RFX4: variants seen among roughly 807,000 people sequenced by gnomAD.
RFX4 encodes the protein transcription factor RFX4.
Under a neutral mutation model 95.0 loss-of-function variants are expected in RFX4, and 10 were observed. The ratio of observed to expected loss-of-function variants is 0.11; its 90% CI spans 0.06 to 0.18. RFX4 has a LOEUF of 0.18. Ranked by LOEUF, RFX4 falls within the 10% of genes least tolerant of loss-of-function variation. The probability of loss-of-function intolerance (pLI) is 1.00; values close to 1 mark genes in which losing one functional copy is unlikely to be tolerated. For synonymous variants in RFX4, 321 were observed against 340.7 expected, an observed-to-expected ratio of 0.94 and a Z score of 0.64; for missense variants, 640 against 922.0, an observed-to-expected ratio of 0.69 and a Z score of 3.96.
At chr12:106,758,182 G>A (rs2043144067) in intron 17 of RFX4, among the ~76,000 whole-genome samples, 2 of 152,166 alleles carry the variant, frequency 1.3e-5, no homozygotes, top group African/African-American at 4.8e-5. Context: ...TGAGAGGTGA[G>A]GCGGGTGCCA....
chr12:106,626,317 G>A (rs1303781939), intron 2 of RFX4, among the ~76,000 whole-genome samples: 1 of 152,224 alleles, frequency 6.6e-6, no homozygotes, highest in East Asian at 1.9e-4. Context: ...TCTTGGAGGA[G>A]GTGACATTTG....
At chr12:106,615,883 T>C (rs1294942481) in intron 2 of RFX4, among the ~76,000 whole-genome samples, 1 of 152,258 alleles carries the variant, frequency 6.6e-6, no homozygotes, top group Admixed American at 6.5e-5. Flanking sequence ...GAACATTCTA[T>C]GAACATCATC....
At chr12:106,757,566 A>T (rs1275850626) in intron 17 of RFX4, among the ~76,000 whole-genome samples, 10 of 150,932 alleles carry the variant, frequency 6.6e-5, no homozygotes, top group Admixed American at 5.9e-4. Context: ...AAAAAAAAAA[A>T]GCTCAGCAGA....
chr12:106,724,221 C>T (rs1395600346), intron 13 of RFX4, among the ~76,000 whole-genome samples: 2 of 152,140 alleles, frequency 1.3e-5, no homozygotes, highest in Non-Finnish European at 2.9e-5. Context: ...GAAGCACATA[C>T]TATCATTGAA....
At chr12:106,583,583 TGTGTGTGCGTG>T (rs1565939357) in intron 1 of RFX4, 4 of 399,002 alleles carry the variant, frequency 1.0e-5, no homozygotes, top group African/African-American at 4.1e-5. Flanking sequence ...CGTGTGTGAG[TGTGTGTGCGTG>T]CGCGCGCGCG....
chr12:106,608,747 TTTC>T (rs745767225), intron 1 of RFX4, 47 bp from the exon 2 acceptor site: 56 of 1,524,000 alleles, frequency 3.7e-5, no homozygotes, highest in Non-Finnish European at 4.8e-5. Context: ...ATTCTGTGAT[TTTC>T]TTTTTTCTTT....
chr12:106,604,107 T>C (rs1042488982), intron 1 of RFX4, among the ~76,000 whole-genome samples: 6 of 146,808 alleles, frequency 4.1e-5, no homozygotes, highest in African/African-American at 1.5e-4. Context: ...TCACTACAGC[T>C]TCTCTCTCTT....
At chr12:106,598,638 G>T (rs2039653868) in intron 1 of RFX4, among the ~76,000 whole-genome samples, 1 of 152,180 alleles carries the variant, frequency 6.6e-6, no homozygotes, top group African/African-American at 2.4e-5. Context: ...CAAAAGTTCA[G>T]GCTGGGTTAA....
At chr12:106,619,007 T>A (rs11113059) in intron 2 of RFX4, among the ~76,000 whole-genome samples, 4 of 151,986 alleles carry the variant, frequency 2.6e-5, no homozygotes, top group African/African-American at 7.3e-5. Context: ...CACTTCAAGC[T>A]CAGTGAAAGA....
At chr12:106,646,431 CAAAAAAAAAAAAA>C (rs56305939) in intron 3 of RFX4, among the ~76,000 whole-genome samples, 16 of 66,252 alleles carry the variant, frequency 2.4e-4, no homozygotes, top group South Asian at 6.6e-4. Flanking sequence ...TAGTTTTATC[CAAAAAAAAAAAAA>C]AAAAAAAAAA....
At chr12:106,671,877 G>A (rs148062724) in intron 4 of RFX4, among the ~76,000 whole-genome samples, 79 of 152,190 alleles carry the variant, frequency 5.2e-4, no homozygotes, top group African/African-American at 1.3e-3. Context: ...GCCCAGGCTT[G>A]TCTCAAACTC....
intron 7 of RFX4, among the ~76,000 whole-genome samples, chr12:106,691,669 A>G (rs1450028267): frequency 6.6e-6 from 1 of 152,136 alleles, no homozygotes; most frequent in Non-Finnish European, 1.5e-5. Context: ...TTGTTTGTTC[A>G]CTTGTTCATT....
Position 106,714,068 on chromosome 12 carries a change from C to CAAAAAAAAAAAAAAAAAAAAAA in RFX4, c.994-1330_994-1309dup, listed in dbSNP as rs58283896. 1.0e-3 allele frequency among the ~76,000 whole-genome samples: 31 copies of CAAAAAAAAAAAAAAAAAAAAAA among 30,524 alleles called. 3 individuals carry two copies. Among genetic ancestry groups the CAAAAAAAAAAAAAAAAAAAAAA allele is most frequent in the African/African-American group, 2.2e-3 (14 of 6,486 alleles). 20.0% of individuals were successfully genotyped at this position (30,524 alleles called of 152,430 possible). On this transcript the variant is annotated intron_variant, in intron 10 of 17. Coordinates refer to ENST00000392842, the MANE Select transcript of RFX4 (RefSeq NM_213594.3). ...GGGCAACAAGAGTGAAACTCCATCTCAAAAAAAAAAAAAAAAAAAAAAAGC... is the reference window on the plus strand; with the variant it reads ...GGGCAACAAGAGTGAAACTCCATCTCAAAAAAAAAAAAAAAAAAAAAAAAAAAAAAAAAAAAAAAAAAAAAGC...
chr12:106,707,134 G>C (rs4964189), intron 8 of RFX4, among the ~76,000 whole-genome samples: 1 of 151,896 alleles, frequency 6.6e-6, no homozygotes, highest in Admixed American at 6.6e-5. Flanking sequence ...GTGCTTGGAG[G>C]TTTATTATAC....
At chr12:106,727,693 C>G (rs1339039070) in intron 13 of RFX4, among the ~76,000 whole-genome samples, 2 of 151,922 alleles carry the variant, frequency 1.3e-5, no homozygotes, top group East Asian at 3.9e-4. Flanking sequence ...GACCTCAGCT[C>G]ACTGCAACCT....
intron 1 of RFX4, among the ~76,000 whole-genome samples, chr12:106,587,914 G>A (rs1006420213): frequency 1.3e-5 from 2 of 152,210 alleles, no homozygotes; most frequent in Non-Finnish European, 2.9e-5. Context: ...TTTACAGTGA[G>A]AAAGGCGCTG....
At position 106,712,902 on chromosome 12, in the gene RFX4, C is replaced by T. The variant is rs115170451; in HGVS notation, c.993+1391C>T. Among the ~76,000 whole-genome samples, 1,153 of 152,252 alleles carry T rather than the reference C, an allele frequency of 7.6e-3. 14 individuals carry two copies. Among genetic ancestry groups the T allele is most frequent in the African/African-American group, 0.027 (1,113 of 41,554 alleles). ...CTAGACATGGTTTTGGTGCCTCCCT[C>T]TGGGGATCAGACAATTTAGAGAGGA... On this transcript the variant is annotated intron_variant, in intron 10 of 17. Coordinates refer to ENST00000392842, the MANE Select transcript of RFX4 (RefSeq NM_213594.3).
intron 7 of RFX4, among the ~76,000 whole-genome samples, chr12:106,690,757 C>T (rs1289987803): frequency 6.6e-6 from 1 of 152,176 alleles, no homozygotes; most frequent in Non-Finnish European, 1.5e-5. Context: ...GGAGCTGGTC[C>T]CACGGCCCCA....
chr12:106,662,368 G>A (rs1300441224), intron 4 of RFX4: 3 of 154,926 alleles, frequency 1.9e-5, no homozygotes, highest in South Asian at 1.9e-4. Flanking sequence ...CTTTGGTGAG[G>A]TGTTTGTTAA....
Sources: gnomAD v4.1 joint callset for allele counts (sites outside exome capture counted in the v4.1 genomes callset) on GRCh38, gnomAD v4.1.1 for gene constraint, MANE v1.5 for transcripts, NCBI Gene and HGNC (gene_info 2026-07-23, HGNC 2026-07-21) for gene names.